The following KSR1 variants were observed in gnomAD, a reference collection of about 807,000 sequenced individuals.
The protein encoded by KSR1 is kinase suppressor of ras 1.
KSR1 carries 35 observed loss-of-function variants against 92.9 expected under a neutral mutation model. The ratio of observed to expected loss-of-function variants is 0.38; its 90% CI spans 0.29 to 0.50. The LOEUF (loss-of-function observed/expected upper bound fraction) is 0.50. KSR1 is among the 20% of genes least tolerant of loss of function. The pLI, the probability that KSR1 is intolerant of heterozygous loss-of-function variation, is 0.94. For missense variants in KSR1, 972 were observed against 1,158.5 expected, an observed-to-expected ratio of 0.84 and a Z score of 2.34; for synonymous variants, 467 against 472.6, an observed-to-expected ratio of 0.99 and a Z score of 0.15.
intron 1 of KSR1, chr17:27,526,315 C>T (rs1597950932): frequency 9.2e-7 from 1 of 1,085,616 alleles, no homozygotes; most frequent in Non-Finnish European, 1.3e-6. Flanking sequence ...TTACAGGTTA[C>T]TGACCGCAAG....
chr17:27,547,586 G>C (rs757788243), intron 1 of KSR1, among the ~76,000 whole-genome samples: 6 of 152,130 alleles, frequency 3.9e-5, no homozygotes, highest in Non-Finnish European at 5.9e-5. Context: ...TAATAAAGAA[G>C]CTTTTATGAC....
At chr17:27,464,110 A>T in intron 1 of KSR1, among the ~76,000 whole-genome samples, 1 of 152,138 alleles carries the variant, frequency 6.6e-6, no homozygotes, top group Admixed American at 6.5e-5. Flanking sequence ...CTGTTGACTG[A>T]GGGTGAGCCA....
At chr17:27,603,090 A>G (rs1177222468) in intron 11 of KSR1, among the ~76,000 whole-genome samples, 1 of 152,230 alleles carries the variant, frequency 6.6e-6, no homozygotes, top group African/African-American at 2.4e-5. Flanking sequence ...CCCTGGGGCC[A>G]CCAATCTCCC....
At chr17:27,504,483 C>T (rs910243654) in intron 1 of KSR1, among the ~76,000 whole-genome samples, 1 of 151,950 alleles carries the variant, frequency 6.6e-6, no homozygotes, top group Non-Finnish European at 1.5e-5. Context: ...TTGAGGGTTC[C>T]GGGGAAAGAG....
At position 27,526,570 on chromosome 17, in the gene KSR1, A is replaced by G. The variant is rs2070307230; in HGVS notation, c.232-23998A>G. On this transcript the variant is annotated intron_variant, in intron 1 of 20. Coordinates refer to ENST00000644974, the MANE Select transcript of KSR1 (RefSeq NM_001394583.1). ...ATTTTGGCCACAATGCACCTCATTCATTTGTATCAGTTGCAATTGTAAGAT... is the reference window on the plus strand; with the variant it reads ...ATTTTGGCCACAATGCACCTCATTCGTTTGTATCAGTTGCAATTGTAAGAT... The G allele has an allele frequency of 4.4e-6, 7 of 1,597,926 alleles. No individual in the cohort carries two copies. In the South Asian group the frequency reaches 7.8e-5, roughly 18 times the overall value.
intron 1 of KSR1, among the ~76,000 whole-genome samples, chr17:27,548,061 A>G (rs1021047017): frequency 6.6e-6 from 1 of 151,834 alleles, no homozygotes; most frequent in African/African-American, 2.4e-5. Flanking sequence ...AATAGAATTG[A>G]TTTCCTTTAT....
chr17:27,577,758 A>G lies in KSR1; in HGVS notation c.520+119A>G. 4 of 856,026 alleles carry G rather than the reference A, an allele frequency of 4.7e-6. No homozygotes were observed. Among genetic ancestry groups the G allele is most frequent in the Non-Finnish European group, 5.7e-6 (3 of 526,170 alleles). 53.0% of individuals were successfully genotyped at this position (856,026 alleles called of 1,614,324 possible). On this transcript the variant is annotated intron_variant, in intron 3 of 20. Coordinates refer to ENST00000644974, the MANE Select transcript of KSR1 (RefSeq NM_001394583.1). This position sits in a 1 kb window ranked among gnomAD's most constrained non-coding sequence, Gnocchi z 4.5. ...GCCCAGGGTTTCTGGGGCAGCCTGG[A>G]AAGGCCAGGGTTGGATGTTCACAGC...
chr17:27,609,877 T>C, intron 16 of KSR1, 190 bp from the exon 17 acceptor site: 1 of 607,006 alleles, frequency 1.6e-6, no homozygotes, highest in Non-Finnish European at 2.8e-6. Flanking sequence ...CAACCGGTCA[T>C]GACTCCTTTG....
chr17:27,544,038 C>T (rs1313168205), intron 1 of KSR1, among the ~76,000 whole-genome samples: 2 of 152,252 alleles, frequency 1.3e-5, no homozygotes, highest in African/African-American at 2.4e-5. Flanking sequence ...ACGTCCGCTG[C>T]CGCCGCAAGA....
At chr17:27,602,213 T>G (rs1221942828) in intron 11 of KSR1, among the ~76,000 whole-genome samples, 1 of 152,218 alleles carries the variant, frequency 6.6e-6, no homozygotes, top group Non-Finnish European at 1.5e-5. Context: ...GGGGGTTGAC[T>G]TGGAGCATCT....
At chr17:27,485,950 T>C (rs572547876) in intron 1 of KSR1, among the ~76,000 whole-genome samples, 36 of 152,348 alleles carry the variant, frequency 2.4e-4, no homozygotes, top group Non-Finnish European at 4.6e-4. Flanking sequence ...TCTTAATTCA[T>C]AGTGAGTGTT....
At chr17:27,469,572 A>G (rs530667539) in intron 1 of KSR1, among the ~76,000 whole-genome samples, 1 of 152,150 alleles carries the variant, frequency 6.6e-6, no homozygotes, top group Non-Finnish European at 1.5e-5. Flanking sequence ...AGCTCTCTGG[A>G]CCTCAGTTTT....
At chr17:27,474,918 CCA>C (rs1254511421) in intron 1 of KSR1, among the ~76,000 whole-genome samples, 1 of 152,014 alleles carries the variant, frequency 6.6e-6, no homozygotes, top group East Asian at 1.9e-4. Flanking sequence ...CCTAAAAATA[CCA>C]CACACACACT....
At chr17:27,609,539 C>T (rs1007855908) in intron 16 of KSR1, among the ~76,000 whole-genome samples, 18 of 152,218 alleles carry the variant, frequency 1.2e-4, no homozygotes, top group African/African-American at 4.1e-4. Flanking sequence ...GAAACCAGGT[C>T]CCCACACTCA....
rs567849044 is a variant in KSR1, at chr17:27,535,365, C to A, written c.232-15203C>A. On this transcript the variant is annotated intron_variant, in intron 1 of 20. Transcript: ENST00000644974. ...GATACACAATCATCACATTGGTGTG[C>A]GCCACAGAAAGAATGCACAGTCATG... is the stretch of plus-strand genomic sequence containing the variant. Among the ~76,000 whole-genome samples, 5 of 152,272 alleles carry A rather than the reference C, an allele frequency of 3.3e-5. No individual in the cohort carries two copies. In the East Asian group the frequency reaches 9.6e-4, roughly 29 times the overall value.
At chr17:27,517,165 T>C (rs1013030926) in intron 1 of KSR1, among the ~76,000 whole-genome samples, 14 of 152,210 alleles carry the variant, frequency 9.2e-5, no homozygotes, top group Admixed American at 6.5e-4. Context: ...TAGCACCTTT[T>C]AAAGGTCTGA....
At chr17:27,599,201 C>G (rs1256477629) in intron 10 of KSR1, among the ~76,000 whole-genome samples, 2 of 152,190 alleles carry the variant, frequency 1.3e-5, no homozygotes, top group Admixed American at 6.5e-5. Context: ...TAGCACAATG[C>G]TAAATATTTG....
At chr17:27,590,477 C>A (rs2151189516) in intron 6 of KSR1, among the ~76,000 whole-genome samples, 1 of 152,282 alleles carries the variant, frequency 6.6e-6, no homozygotes, top group Non-Finnish European at 1.5e-5. Context: ...CACATGTGGG[C>A]CTATGTGTTG....
intron 5 of KSR1, 145 bp downstream of exon 5, chr17:27,585,806 C>A: frequency 1.4e-6 from 1 of 697,842 alleles, no homozygotes; most frequent in South Asian, 1.6e-5. Flanking sequence ...GTGACCACCT[C>A]AGGAAATAGC....
Sources: allele counts gnomAD v4.1 joint callset (sites outside exome capture counted in the v4.1 genomes callset), GRCh38; gene constraint gnomAD v4.1.1; non-coding constraint Gnocchi (gnomAD v3.1); transcripts MANE v1.5; gene names NCBI Gene and HGNC (gene_info 2026-07-23, HGNC 2026-07-21).